RANBP17: variants seen among roughly 807,000 people sequenced by gnomAD.
The protein encoded by RANBP17 is RAN binding protein 17.
Under a neutral mutation model 141.2 loss-of-function variants are expected in RANBP17, and 158 were observed. The ratio of observed to expected loss-of-function variants is 1.12; its 90% CI spans 0.98 to 1.28. The LOEUF (loss-of-function observed/expected upper bound fraction) is 1.28. RANBP17 is among the 50% of genes most tolerant of loss of function. The pLI, the probability that RANBP17 is intolerant of heterozygous loss-of-function variation, is 0.00. For missense variants in RANBP17, 1,438 were observed against 1,290.7 expected (o/e 1.11, Z -1.75); for synonymous variants, 430 against 450.0 (o/e 0.96, Z 0.56).
At position 171,244,011 on chromosome 5, in the gene RANBP17, C is replaced by T. The variant is rs115904848; in HGVS notation, c.2776+1191C>T. 7.5e-3 allele frequency among the ~76,000 whole-genome samples: 1,135 copies of T among 152,168 alleles called. 13 individuals are homozygous for T. The highest frequency in any genetic ancestry group is 0.026 in the African/African-American group (1,073 of 41,516). ...GAGAATCACATGCACCCAGATGCAC[C>T]CAGGAGGCAGAGGTTGCAGTGAGCC... On this transcript the variant is annotated intron_variant, in intron 24 of 27. Transcript: ENST00000523189.
At chr5:170,953,140 C>T (rs760554098) in intron 12 of RANBP17, among the ~76,000 whole-genome samples, 8 of 152,092 alleles carry the variant, frequency 5.3e-5, no homozygotes, top group Admixed American at 1.3e-4. Context: ...AATGATCACA[C>T]TGGTACTATC....
At chr5:171,251,905 T>A (rs1765592990) in intron 24 of RANBP17, 2 of 1,575,388 alleles carry the variant, frequency 1.3e-6, no homozygotes, top group Admixed American at 1.7e-5. Flanking sequence ...TCCAGAACAG[T>A]TTCCAGTGAA....
At chr5:171,180,430 C>G (rs1760796772) in intron 16 of RANBP17, among the ~76,000 whole-genome samples, 1 of 152,194 alleles carries the variant, frequency 6.6e-6, no homozygotes, top group Non-Finnish European at 1.5e-5. Flanking sequence ...GCTACTGTTA[C>G]TGTTACCACC....
At chr5:171,241,615 T>C (rs1764884833) in intron 23 of RANBP17, among the ~76,000 whole-genome samples, 1 of 152,226 alleles carries the variant, frequency 6.6e-6, no homozygotes, top group Non-Finnish European at 1.5e-5. Context: ...CATTGAAGGA[T>C]ATGTCTGTTA....
intron 25 of RANBP17, among the ~76,000 whole-genome samples, chr5:171,278,286 A>C (rs1015433205): frequency 2.0e-5 from 3 of 152,118 alleles, no homozygotes; most frequent in African/African-American, 7.2e-5. Context: ...TGGGAGGCCA[A>C]AGCGGGTGGA....
At chr5:171,021,612 G>C (rs1003700451) in intron 14 of RANBP17, among the ~76,000 whole-genome samples, 4 of 152,148 alleles carry the variant, frequency 2.6e-5, no homozygotes, top group South Asian at 2.1e-4. Context: ...GTGTTATTCA[G>C]CTCCATCAGG....
chr5:171,020,232 A>G (rs114318566), intron 14 of RANBP17, among the ~76,000 whole-genome samples: 3,209 of 152,284 alleles, frequency 0.021, 50 homozygotes, highest in Non-Finnish European at 0.033. Context: ...ACTGAGAAGA[A>G]TGTATATCCT....
intron 12 of RANBP17, among the ~76,000 whole-genome samples, chr5:170,933,763 A>T (rs940110964): frequency 6.6e-6 from 1 of 152,168 alleles, no homozygotes; most frequent in Non-Finnish European, 1.5e-5. Context: ...GTTTGATTGC[A>T]CTGTGGTCTG....
chr5:171,067,105 T>C (rs916111656), intron 14 of RANBP17, among the ~76,000 whole-genome samples: 1 of 152,200 alleles, frequency 6.6e-6, no homozygotes. Context: ...CTATACTGCC[T>C]TCTTCTTTGA....
chr5:171,057,535 G>A (rs1247096099), intron 14 of RANBP17, among the ~76,000 whole-genome samples: 1 of 151,714 alleles, frequency 6.6e-6, no homozygotes, highest in Non-Finnish European at 1.5e-5. Context: ...GATATCATAG[G>A]GTATTTTACC....
At chr5:171,124,816 C>T (rs1756309595) in intron 14 of RANBP17, among the ~76,000 whole-genome samples, 1 of 152,052 alleles carries the variant, frequency 6.6e-6, no homozygotes, top group Admixed American at 6.5e-5. Flanking sequence ...AAACGATATA[C>T]AAAACAATCA....
intron 5 of RANBP17, among the ~76,000 whole-genome samples, chr5:170,899,633 C>G (rs1324108996): frequency 1.3e-5 from 2 of 152,152 alleles, no homozygotes; most frequent in Non-Finnish European, 2.9e-5. Context: ...TTTGCCCATC[C>G]AGTATGATAT....
intron 14 of RANBP17, among the ~76,000 whole-genome samples, chr5:171,076,279 T>C (rs576731120): frequency 6.6e-6 from 1 of 152,196 alleles, no homozygotes; most frequent in Non-Finnish European, 1.5e-5. Context: ...ATTTTGTTGG[T>C]ATAGCAAAAC....
intron 24 of RANBP17, among the ~76,000 whole-genome samples, chr5:171,245,434 C>A (rs1452218806): frequency 6.6e-6 from 1 of 152,140 alleles, no homozygotes; most frequent in Non-Finnish European, 1.5e-5. Flanking sequence ...CCTGCCTCAG[C>A]CTCCTGAGTA....
At chr5:171,203,159 A>C (rs866114099) in intron 19 of RANBP17, among the ~76,000 whole-genome samples, 2 of 152,202 alleles carry the variant, frequency 1.3e-5, no homozygotes, top group Non-Finnish European at 2.9e-5. Context: ...TCTTCAGACC[A>C]ATCTTGTGTT....
chr5:170,914,181 G>A lies in RANBP17; in HGVS notation c.775G>A (p.Glu259Lys). Residue 259 changes from glutamate to lysine, a missense_variant, in exon 8 of 28, where the codon GAA (glutamate) becomes AAA (lysine). Transcript: ENST00000523189. ...TTTTTTCCCAGTTTTCCTGGAACCA[G>A]AAACATTGGATCTTTTCTTCAATTT... ...TTWRTIFLEP[E>K]TLDLFFNLYH... The A allele has an allele frequency of 6.2e-7, 1 of 1,608,150 alleles. No homozygotes were observed. The highest frequency in any genetic ancestry group is 8.5e-7 in the Non-Finnish European group (1 of 1,175,260).
chr5:171,234,080 A>T (rs911360328), intron 22 of RANBP17, among the ~76,000 whole-genome samples: 4 of 152,008 alleles, frequency 2.6e-5, no homozygotes. Context: ...ACACACACAC[A>T]TCTTAAGTAC....
chr5:171,272,553 G>C (rs1045029658), intron 25 of RANBP17, among the ~76,000 whole-genome samples: 1 of 152,108 alleles, frequency 6.6e-6, no homozygotes, highest in Admixed American at 6.6e-5. Flanking sequence ...AGGTCACAAA[G>C]TCAGTAACTG....
chr5:171,012,130 T>C (rs952015849), intron 14 of RANBP17, among the ~76,000 whole-genome samples: 10 of 151,956 alleles, frequency 6.6e-5, no homozygotes, highest in African/African-American at 1.9e-4. Flanking sequence ...ATAATATAAT[T>C]TGTTTAAACA....
Sources: allele counts gnomAD v4.1 joint callset (sites outside exome capture counted in the v4.1 genomes callset), GRCh38; gene constraint gnomAD v4.1.1; transcripts MANE v1.5; gene names NCBI Gene and HGNC (gene_info 2026-07-23, HGNC 2026-07-21).